RERE: variants seen among roughly 807,000 people sequenced by gnomAD.
RERE encodes the protein arginine-glutamic acid dipeptide repeats.
A neutral mutation model predicts 146.1 loss-of-function variants in RERE; 40 were observed. The observed-to-expected ratio is 0.27, with a 90% CI of 0.21 to 0.36. RERE has a LOEUF of 0.36. Among genes scored for constraint, RERE ranks in the 10% least tolerant of loss-of-function variants. The pLI, the probability that RERE is intolerant of heterozygous loss-of-function variation, is 1.00. For synonymous variants in RERE, 1,003 were observed against 866.0 expected, an observed-to-expected ratio of 1.16 and a Z score of -2.78; for missense variants, 1,933 against 2,138.7, an observed-to-expected ratio of 0.90 and a Z score of 1.90.
intron 10 of RERE, among the ~76,000 whole-genome samples, chr1:8,475,263 A>G (rs1319971401): frequency 2.0e-5 from 3 of 151,408 alleles, no homozygotes; most frequent in African/African-American, 7.3e-5. Flanking sequence ...AATCCCAGCT[A>G]CTTGGGAGGC....
chr1:8,366,003 G>C (rs377634554), intron 12 of RERE, 29 bp from the exon 13 acceptor site: 1 of 1,608,872 alleles, frequency 6.2e-7, no homozygotes, highest in African/African-American at 1.3e-5. Context: ...GACTGTGGGG[G>C]AGGGCCTGGG....
chr1:8,380,730 T>C (rs1321791278), intron 12 of RERE: 1 of 398,436 alleles, frequency 2.5e-6, no homozygotes, highest in East Asian at 7.3e-5. Context: ...TCCTCAGCAA[T>C]GAAGGAGAAC....
At chr1:8,379,507 T>C (rs984059929) in intron 12 of RERE, among the ~76,000 whole-genome samples, 4 of 152,170 alleles carry the variant, frequency 2.6e-5, no homozygotes, top group African/African-American at 9.7e-5. Flanking sequence ...TCGGGTGTAA[T>C]TTATGAAAAC....
At chr1:8,762,690 A>G (rs1640777777) in intron 1 of RERE, among the ~76,000 whole-genome samples, 1 of 152,142 alleles carries the variant, frequency 6.6e-6, no homozygotes, top group Non-Finnish European at 1.5e-5. Context: ...TCCTCTGATA[A>G]TGGACTAAAC....
intron 12 of RERE, among the ~76,000 whole-genome samples, chr1:8,413,762 T>C (rs1024643187): frequency 2.0e-5 from 3 of 151,790 alleles, no homozygotes; most frequent in African/African-American, 7.3e-5. Flanking sequence ...CCGTTAGAAA[T>C]GAGGGAACTT....
rs1204682258 is a variant in RERE, at chr1:8,413,244, C to CAT, written c.1284+9481_1284+9482dup. ...GAAGGCTTTATATTCTATATAAATA[C>CAT]ATATATGCATTCATGCACACATGTG... On this transcript the variant is annotated intron_variant, in intron 12 of 22. Transcript: ENST00000400908. 3.9e-5 allele frequency among the ~76,000 whole-genome samples: 6 copies of CAT among 152,112 alleles called. No homozygotes were observed. The South Asian group carries it at 1.2e-3, about 32-fold the overall frequency.
rs1641635770 is a variant in RERE, at chr1:8,362,752, C to G, written c.1833G>C (p.Arg611=). ...AGGTACTGGCAGCGCTGGGGGAGTT[C>G]CGGCCGCTGGAGCGGATGTCTTCAT... ...PINEDIRSSG[R]NSPSAASTSS... is the part of the protein sequence containing the mutation. The change falls in exon 16 of 23, where the codon CGG becomes CGC. Residue 611 remains arginine, a synonymous_variant. Coordinates refer to ENST00000400908, the MANE Select transcript of RERE (RefSeq NM_001042681.2). 4 of 1,614,194 alleles carry G rather than the reference C, an allele frequency of 2.5e-6. No homozygotes were observed. Among genetic ancestry groups the G allele is most frequent in the Middle Eastern group, 1.6e-4 (1 of 6,062 alleles).
In RERE at chr1:8,423,797, C is replaced by T. The variant is rs1298969804; in HGVS notation, c.1204-990G>A. ...GGGGAGGAGGCAGGAGCGCGGCGCG[C>T]AGAGCCCGGCGCGGCCGCGGGCGGC... On this transcript the variant is annotated intron_variant, in intron 11 of 22. Transcript: ENST00000400908. The surrounding 1 kb of genome is among the most constrained non-coding windows in gnomAD (Gnocchi z 5.4). The T allele has an allele frequency of 3.0e-6, 2 of 657,668 alleles. No homozygotes were observed. The highest frequency in any genetic ancestry group is 3.7e-6 in the Non-Finnish European group (2 of 533,730). 40.7% of individuals were successfully genotyped at this position (657,668 alleles called of 1,614,324 possible).
intron 4 of RERE, among the ~76,000 whole-genome samples, chr1:8,596,868 T>C (rs1056095358): frequency 2.6e-5 from 4 of 152,062 alleles, no homozygotes; most frequent in Non-Finnish European, 5.9e-5. Context: ...AGCGTGTCTA[T>C]CTTTGGAAAC....
chr1:8,718,882 T>G (rs1639809493), intron 1 of RERE, among the ~76,000 whole-genome samples: 1 of 152,190 alleles, frequency 6.6e-6, no homozygotes, highest in Non-Finnish European at 1.5e-5. Flanking sequence ...TTGGATGGAG[T>G]GCACAGCACA....
chr1:8,747,778 G>A (rs954113026), intron 1 of RERE, among the ~76,000 whole-genome samples: 1 of 151,956 alleles, frequency 6.6e-6, no homozygotes, highest in Non-Finnish European at 1.5e-5. Flanking sequence ...TAATAAGAGA[G>A]TAGGTATATT....
chr1:8,523,469 A>G (rs1190880123), intron 7 of RERE, among the ~76,000 whole-genome samples: 2 of 152,206 alleles, frequency 1.3e-5, no homozygotes, highest in Admixed American at 1.3e-4. Flanking sequence ...CATAAGCCAA[A>G]ATGAAACAAA....
At chr1:8,686,849 T>C (rs570586695) in intron 1 of RERE, among the ~76,000 whole-genome samples, 1 of 152,206 alleles carries the variant, frequency 6.6e-6, no homozygotes, top group African/African-American at 2.4e-5. Flanking sequence ...AGGGTCAAGG[T>C]AGGCCTCTCA....
At chr1:8,559,423 T>G (rs1398945360) in intron 4 of RERE, among the ~76,000 whole-genome samples, 1 of 152,010 alleles carries the variant, frequency 6.6e-6, no homozygotes, top group Non-Finnish European at 1.5e-5. Context: ...CTGGTTTAAT[T>G]ACACTTTATA....
intron 3 of RERE, among the ~76,000 whole-genome samples, chr1:8,621,894 A>T (rs974322132): frequency 1.3e-5 from 2 of 152,254 alleles, no homozygotes; most frequent in Non-Finnish European, 2.9e-5. Context: ...AAGTAAGAAA[A>T]TAAGAAAGTG....
At chr1:8,555,199 C>T (rs1645993043) in intron 6 of RERE, among the ~76,000 whole-genome samples, 1 of 152,208 alleles carries the variant, frequency 6.6e-6, no homozygotes, top group African/African-American at 2.4e-5. Context: ...AGAGTTTTCC[C>T]ATTTTTAAAT....
At chr1:8,602,698 C>CA (rs1266595803) in intron 4 of RERE, among the ~76,000 whole-genome samples, 4 of 152,022 alleles carry the variant, frequency 2.6e-5, no homozygotes, top group Non-Finnish European at 4.4e-5. Context: ...AAAACAAAAC[C>CA]AAAAAACTTA....
chr1:8,645,068 T>A (rs1647253801), intron 2 of RERE, among the ~76,000 whole-genome samples: 1 of 152,158 alleles, frequency 6.6e-6, no homozygotes, highest in Non-Finnish European at 1.5e-5. Flanking sequence ...TGTTTCCTCA[T>A]CTGTACAGCA....
chr1:8,362,934 G>C, intron 15 of RERE, 90 bp from the exon 16 acceptor site: 1 of 1,431,686 alleles, frequency 7.0e-7, no homozygotes, highest in Non-Finnish European at 9.6e-7. Flanking sequence ...AAGCCTGAAG[G>C]CACACCCTAT....
Sources: gnomAD v4.1 joint callset for allele counts (sites outside exome capture counted in the v4.1 genomes callset) on GRCh38, gnomAD v4.1.1 for gene constraint, Gnocchi (gnomAD v3.1) non-coding constraint, MANE v1.5 for transcripts, NCBI Gene and HGNC (gene_info 2026-07-23, HGNC 2026-07-21) for gene names.